The following ACSS2 variants were observed in gnomAD, a reference collection of about 807,000 sequenced individuals.
ACSS2 encodes the protein acetyl-coenzyme A synthetase, cytoplasmic.
A neutral mutation model predicts 90.6 loss-of-function variants in ACSS2; 58 were observed. The ratio of observed to expected loss-of-function variants is 0.64; its 90% CI spans 0.52 to 0.80. The LOEUF is 0.80. Ranked by LOEUF, ACSS2 falls within the 30% of genes least tolerant of loss-of-function variation. ACSS2 has a pLI of 0.00. For synonymous variants in ACSS2, 300 were observed against 330.9 expected, an observed-to-expected ratio of 0.91 and a Z score of 1.01; for missense variants, 759 against 912.0, an observed-to-expected ratio of 0.83 and a Z score of 2.16.
At chr20:34,902,188 A>G (rs950951658) in intron 2 of ACSS2, among the ~76,000 whole-genome samples, 2 of 152,218 alleles carry the variant, frequency 1.3e-5, no homozygotes, top group African/African-American at 2.4e-5. Flanking sequence ...GTACGAGACA[A>G]TGAGGGATTC....
At chr20:34,900,140 T>A (rs904002535) in intron 2 of ACSS2, among the ~76,000 whole-genome samples, 2 of 151,886 alleles carry the variant, frequency 1.3e-5, no homozygotes, top group African/African-American at 4.8e-5. Context: ...GTTATTTTGA[T>A]TTGTATCTCC....
chr20:34,909,637 G>A (rs767381938), intron 2 of ACSS2, among the ~76,000 whole-genome samples: 1 of 151,880 alleles, frequency 6.6e-6, no homozygotes, highest in South Asian at 2.1e-4. Context: ...CTTAAGTAGA[G>A]CAGTTCTTCC....
At chr20:34,917,846 G>A (rs566714641) in intron 7 of ACSS2, among the ~76,000 whole-genome samples, 40 of 152,154 alleles carry the variant, frequency 2.6e-4, no homozygotes, top group Admixed American at 9.2e-4. Context: ...TCTGCTTCCT[G>A]GTTTCAAGTG....
chr20:34,918,751 A>G (rs146913411), intron 7 of ACSS2, among the ~76,000 whole-genome samples: 6 of 152,320 alleles, frequency 3.9e-5, no homozygotes, highest in South Asian at 2.1e-4. Context: ...TCAGGTGCCC[A>G]CCTCACCTGT....
intron 7 of ACSS2, chr20:34,915,201 T>G (rs2081052218): frequency 6.2e-7 from 1 of 1,613,828 alleles, no homozygotes; most frequent in South Asian, 1.1e-5. Flanking sequence ...ACCCTTTTCA[T>G]CCTGGGCTCT....
chr20:34,906,268 C>T (rs1779446068), intron 2 of ACSS2, among the ~76,000 whole-genome samples: 1 of 148,162 alleles, frequency 6.7e-6, no homozygotes, highest in South Asian at 2.1e-4. Flanking sequence ...CTAGGAAGCA[C>T]AGCTTGCAGT....
intron 14 of ACSS2, 29 bp from the exon 15 acceptor site, chr20:34,925,669 T>C (rs563230811): frequency 2.5e-6 from 4 of 1,605,180 alleles, no homozygotes; most frequent in South Asian, 1.1e-5. Flanking sequence ...GTAGGGTTTT[T>C]ATTTATTAGG....
At chr20:34,913,054 A>G in intron 2 of ACSS2, 42 bp from the exon 3 acceptor site, 1 of 1,468,670 alleles carries the variant, frequency 6.8e-7, no homozygotes. Context: ...TTTGGGGAAG[A>G]AGTTATACCC....
At chr20:34,889,209 G>C (rs77970233) in intron 2 of ACSS2, among the ~76,000 whole-genome samples, 1 of 151,962 alleles carries the variant, frequency 6.6e-6, no homozygotes, top group South Asian at 2.1e-4. Flanking sequence ...TGCAAGCTCT[G>C]CCTCCTGGGT....
At chr20:34,888,565 C>T (rs1264304648) in intron 2 of ACSS2, among the ~76,000 whole-genome samples, 1 of 152,100 alleles carries the variant, frequency 6.6e-6, no homozygotes, top group African/African-American at 2.4e-5. Flanking sequence ...AAGTTCTTGC[C>T]CTCATGGAGG....
intron 2 of ACSS2, among the ~76,000 whole-genome samples, chr20:34,895,329 C>T (rs1357363891): frequency 1.3e-5 from 2 of 152,116 alleles, no homozygotes; most frequent in African/African-American, 4.8e-5. Context: ...TACCATACAA[C>T]CTGTTTTGCA....
intron 8 of ACSS2, 57 bp downstream of exon 8, chr20:34,919,629 G>C (rs572456167): frequency 6.6e-7 from 1 of 1,520,036 alleles, no homozygotes; most frequent in East Asian, 2.4e-5. Flanking sequence ...GTATTATGTA[G>C]GGGTAAGAAG....
rs779825906 is a variant in ACSS2 at position 34,926,964 on chromosome 20, G to A, written c.1978+13G>A. 5 of 1,614,160 alleles carry A rather than the reference G, an allele frequency of 3.1e-6. No homozygotes were observed. The African/African-American group carries it at 6.7e-5, about 22-fold the overall frequency. On this transcript the variant is annotated intron_variant, in intron 17 of 17. Coordinates refer to ENST00000360596, the MANE Select transcript of ACSS2 (RefSeq NM_018677.4). The stretch of plus-strand genomic sequence containing the variant: ...AAAACCCGCTCAGGTATGTTCAGAG[G>A]CCTCCATGGATTGGGATGGGCTGAG...
intron 2 of ACSS2, among the ~76,000 whole-genome samples, chr20:34,887,892 G>A (rs368262814): frequency 2.0e-5 from 3 of 151,494 alleles, no homozygotes; most frequent in East Asian, 1.9e-4. Context: ...CCAACAAGAC[G>A]AAACCCCATC....
chr20:34,880,788 T>C (rs994754457), intron 1 of ACSS2, among the ~76,000 whole-genome samples: 7 of 152,072 alleles, frequency 4.6e-5, no homozygotes, highest in Admixed American at 4.6e-4. Flanking sequence ...CATTACAACG[T>C]TGTACACTAT....
At chr20:34,906,234 C>T (rs967980481) in intron 2 of ACSS2, among the ~76,000 whole-genome samples, 1 of 150,992 alleles carries the variant, frequency 6.6e-6, no homozygotes, top group Non-Finnish European at 1.5e-5. Context: ...ACTCGGGAGG[C>T]TGAGGCAGGA....
At chr20:34,877,485 C>A (rs1343393490) in intron 1 of ACSS2, among the ~76,000 whole-genome samples, 1 of 151,972 alleles carries the variant, frequency 6.6e-6, no homozygotes, top group South Asian at 2.1e-4. Context: ...AGTAATAGTT[C>A]AGAAGTTCTG....
Position 34,927,152 on chromosome 20 carries a change from A to G in ACSS2, c.2044A>G (p.Thr682Ala). Residue 682 changes from threonine (T) to alanine (A), a missense_variant, in exon 18 of 18, where the codon ACT becomes GCT. Coordinates refer to ENST00000360596, the MANE Select transcript of ACSS2 (RefSeq NM_018677.4). This position sits in a 1 kb window ranked among gnomAD's most constrained non-coding sequence, Gnocchi z 4.2. The stretch of plus-strand genomic sequence containing the variant: ...TGACCATGACCTCGGGGACATGTCT[A>G]CTGTGGCTGACCCATCTGTCATCAG... The part of the protein sequence containing the change: ...QNDHDLGDMS[T>A]VADPSVISHL... The G allele has an allele frequency of 6.2e-7, 1 of 1,614,178 alleles. No homozygotes were observed. Among genetic ancestry groups the G allele is most frequent in the South Asian group, 1.1e-5 (1 of 91,078 alleles).
chr20:34,893,632 C>T (rs1241587437), intron 2 of ACSS2: 1 of 151,516 alleles, frequency 6.6e-6, no homozygotes, highest in Non-Finnish European at 1.5e-5. Context: ...GGTGAGCTTC[C>T]TGCCTCAGCC....
Sources: allele counts gnomAD v4.1 joint callset (sites outside exome capture counted in the v4.1 genomes callset), GRCh38; gene constraint gnomAD v4.1.1; non-coding constraint Gnocchi (gnomAD v3.1); transcripts MANE v1.5; gene names NCBI Gene and HGNC (gene_info 2026-07-23, HGNC 2026-07-21).